The following RRAS2 variants were observed in gnomAD, a reference collection of about 807,000 sequenced individuals.
RRAS2 encodes the protein RAS related 2.
A neutral mutation model predicts 27.6 loss-of-function variants in RRAS2; 7 were observed. The observed-to-expected ratio is 0.25, with a 90% CI of 0.14 to 0.48. The LOEUF (loss-of-function observed/expected upper bound fraction) is 0.48, where lower values mean the gene tolerates loss of function less well. Ranked by LOEUF, RRAS2 falls within the 20% of genes least tolerant of loss-of-function variation. RRAS2 has a pLI of 0.99. For synonymous variants in RRAS2, 86 were observed against 90.9 expected, an observed-to-expected ratio of 0.95 and a Z score of 0.31; for missense variants, 178 against 256.2, an observed-to-expected ratio of 0.69 and a Z score of 2.08.
At chr11:14,329,878 T>C (rs782613624) in intron 1 of RRAS2, among the ~76,000 whole-genome samples, 3 of 152,148 alleles carry the variant, frequency 2.0e-5, no homozygotes, top group Non-Finnish European at 4.4e-5. Context: ...GAGGTCAGCC[T>C]GAGCAACATA....
intron 1 of RRAS2, among the ~76,000 whole-genome samples, chr11:14,297,313 A>G (rs1847578577): frequency 6.6e-6 from 1 of 152,152 alleles, no homozygotes; most frequent in Admixed American, 6.5e-5. Context: ...GGGACCCAAC[A>G]TTCGTGGCGA....
chr11:14,307,260 A>AG (rs1270791619), intron 1 of RRAS2, among the ~76,000 whole-genome samples: 2 of 151,846 alleles, frequency 1.3e-5, no homozygotes, highest in African/African-American at 4.8e-5. Context: ...AAAAAGGAAG[A>AG]GGGAAAAAAA....
chr11:14,284,081 GTTTTAA>G (rs1554944729), intron 4 of RRAS2, among the ~76,000 whole-genome samples: 2 of 151,926 alleles, frequency 1.3e-5, no homozygotes, highest in Non-Finnish European at 2.9e-5. Context: ...CTTACTATGG[GTTTTAA>G]TTTTCTCTTT....
chr11:14,345,904 C>T (rs571263253), intron 1 of RRAS2, among the ~76,000 whole-genome samples: 33 of 152,234 alleles, frequency 2.2e-4, no homozygotes, highest in Non-Finnish European at 4.6e-4. Context: ...TCTTAACTTC[C>T]TAAACCAAAA....
intron 1 of RRAS2, among the ~76,000 whole-genome samples, chr11:14,307,022 G>A (rs1554948159): frequency 6.6e-6 from 1 of 151,824 alleles, no homozygotes; most frequent in East Asian, 1.9e-4. Context: ...GAAACCCAGT[G>A]TCTACCCAAA....
chr11:14,355,655 T>G (rs1554955336), intron 1 of RRAS2, among the ~76,000 whole-genome samples: 7 of 152,218 alleles, frequency 4.6e-5, no homozygotes. Context: ...GCATTGTTTT[T>G]AAATTCTCCG....
At chr11:14,289,753 G>T (rs1200456811) in intron 4 of RRAS2, among the ~76,000 whole-genome samples, 1 of 152,166 alleles carries the variant, frequency 6.6e-6, no homozygotes, top group Non-Finnish European at 1.5e-5. Flanking sequence ...CAGATACAGA[G>T]GCCATAAGCA....
chr11:14,350,183 C>A (rs1393355113), intron 1 of RRAS2, among the ~76,000 whole-genome samples: 1 of 152,004 alleles, frequency 6.6e-6, no homozygotes, highest in African/African-American at 2.4e-5. Flanking sequence ...TACTTTTGCA[C>A]TTTTTTTTCA....
At chr11:14,310,576 A>G (rs1648230153) in intron 1 of RRAS2, among the ~76,000 whole-genome samples, 1 of 152,202 alleles carries the variant, frequency 6.6e-6, no homozygotes. Flanking sequence ...AATCATAATA[A>G]CAGTGACAGC....
intron 1 of RRAS2, among the ~76,000 whole-genome samples, chr11:14,324,939 A>T (rs117500803): frequency 3.7e-4 from 56 of 152,348 alleles, no homozygotes; most frequent in Non-Finnish European, 7.3e-4. Context: ...TAGTTTATGC[A>T]TGTGGAAAAA....
At chr11:14,341,524 T>C (rs1240333132) in intron 1 of RRAS2, among the ~76,000 whole-genome samples, 3 of 152,146 alleles carry the variant, frequency 2.0e-5, no homozygotes, top group Admixed American at 6.5e-5. Context: ...TATCCACAAA[T>C]TGAAATATGA....
At position 14,353,154 on chromosome 11, in the gene RRAS2, A is replaced by G. The variant is rs1279114258; in HGVS notation, c.108+5609T>C. Among the ~76,000 whole-genome samples, 3 of 152,128 alleles carry G rather than the reference A, an allele frequency of 2.0e-5. No homozygotes were observed. In the East Asian group the frequency reaches 5.8e-4, roughly 29 times the overall value. ...TCTTCCCACTCTACTCCCCCAATTTAAAGTTATCAATTTATTTTCCTAACT... is the reference window on the plus strand; with the variant it reads ...TCTTCCCACTCTACTCCCCCAATTTGAAGTTATCAATTTATTTTCCTAACT... On this transcript the variant is annotated intron_variant, in intron 1 of 5. Transcript: ENST00000256196.
At chr11:14,344,594 G>T (rs375393679) in intron 1 of RRAS2, among the ~76,000 whole-genome samples, 2 of 152,128 alleles carry the variant, frequency 1.3e-5, no homozygotes, top group Admixed American at 1.3e-4. Context: ...CTTTCAGCTC[G>T]CATCTTTTGA....
chr11:14,288,911 G>A (rs892368668), intron 4 of RRAS2, among the ~76,000 whole-genome samples: 8 of 152,214 alleles, frequency 5.3e-5, no homozygotes, highest in South Asian at 2.1e-4. Context: ...TTAATACAAC[G>A]TCTTAACTCA....
upstream of RRAS2, among the ~76,000 whole-genome samples, chr11:14,361,932 T>C (rs1849195853): frequency 1.3e-5 from 2 of 152,208 alleles, no homozygotes; most frequent in Admixed American, 1.3e-4. Flanking sequence ...TCCTGATACA[T>C]GCTACAGCAT....
intron 1 of RRAS2, among the ~76,000 whole-genome samples, chr11:14,350,286 G>C (rs1382127361): frequency 5.3e-5 from 8 of 152,190 alleles, no homozygotes. Flanking sequence ...GAGGTGTTTG[G>C]GTCATGGGGA....
chr11:14,304,254 G>A (rs1847781607), intron 1 of RRAS2, among the ~76,000 whole-genome samples: 1 of 152,124 alleles, frequency 6.6e-6, no homozygotes, highest in South Asian at 2.1e-4. Context: ...AAATGAAAGG[G>A]GCTTAAGGAG....
intron 1 of RRAS2, among the ~76,000 whole-genome samples, chr11:14,344,322 T>A (rs1299914266): frequency 6.6e-6 from 1 of 152,164 alleles, no homozygotes; most frequent in Non-Finnish European, 1.5e-5. Flanking sequence ...TCCACTTTTT[T>A]ATTCCAAAAA....
intron 1 of RRAS2, among the ~76,000 whole-genome samples, chr11:14,311,189 C>T (rs2915405): frequency 0.85 from 128,856 of 151,938 alleles, 55,002 homozygotes; most frequent in South Asian, 0.9. Context: ...AAAAAATAAC[C>T]TAAAAATTGA....
Sources: allele counts gnomAD v4.1 joint callset (sites outside exome capture counted in the v4.1 genomes callset), GRCh38; gene constraint gnomAD v4.1.1; transcripts MANE v1.5; gene names NCBI Gene and HGNC (gene_info 2026-07-23, HGNC 2026-07-21).